ESR1: variants seen among roughly 807,000 people sequenced by gnomAD.
ESR1 encodes estrogen receptor.
In ESR1, 12 loss-of-function variants were observed where a neutral mutation model predicts 52.7. The ratio of observed to expected loss-of-function variants is 0.23; its 90% confidence interval spans 0.15 to 0.37. The LOEUF is 0.37. ESR1 is among the 10% of genes least tolerant of loss of function. The probability of loss-of-function intolerance (pLI) is 1.00; values close to 1 mark genes in which losing one functional copy is unlikely to be tolerated. For missense variants in ESR1, 584 were observed against 779.7 expected, an observed-to-expected ratio of 0.75 and a Z score of 2.99; for synonymous variants, 305 against 316.8, an observed-to-expected ratio of 0.96 and a Z score of 0.39.
At chr6:151,755,715 C>T (rs928045581) in intron 2 of ESR1, among the ~76,000 whole-genome samples, 1 of 152,034 alleles carries the variant, frequency 6.6e-6, no homozygotes, top group African/African-American at 2.4e-5. Flanking sequence ...ACTGCAACTT[C>T]CGCCTCCCAG....
intron 4 of ESR1, among the ~76,000 whole-genome samples, chr6:151,948,391 T>G (rs1404408587): frequency 6.6e-6 from 1 of 152,208 alleles, no homozygotes; most frequent in African/African-American, 2.4e-5. Flanking sequence ...CCCTGAGTTT[T>G]TTATTGCCTG....
rs775701225 is a variant in ESR1 at position 151,944,304 on chromosome 6, A to T, written c.892A>T (p.Ile298Phe). The change falls in exon 4 of 8, where the codon ATC (isoleucine) becomes TTC (phenylalanine). Residue 298 changes from isoleucine to phenylalanine, a missense_variant. Physicochemically the swap from Ile to Phe is conservative, Grantham distance 21 (BLOSUM62 0). Coordinates refer to ENST00000206249, the MANE Select transcript of ESR1 (RefSeq NM_000125.4). ...AANLWPSPLM[I>F]KRSKKNSLAL... ...CAACCTTTGGCCAAGCCCGCTCATGATCAAACGCTCTAAGAAGAACAGCCT... is the reference window on the plus strand; with the variant it reads ...CAACCTTTGGCCAAGCCCGCTCATGTTCAAACGCTCTAAGAAGAACAGCCT... 6.2e-7 allele frequency: 1 copy of T among 1,614,176 alleles called. No individual in the cohort carries two copies. The highest frequency in any genetic ancestry group is 1.7e-5 in the Admixed American group (1 of 60,018).
intron 2 of ESR1, among the ~76,000 whole-genome samples, chr6:151,748,155 G>T (rs983100600): frequency 3.3e-5 from 5 of 152,078 alleles, no homozygotes; most frequent in Non-Finnish European, 5.9e-5. Context: ...TGTCATAATG[G>T]GTATGAAGTG....
chr6:152,088,441 C>T (rs573789866), intron 6 of ESR1, among the ~76,000 whole-genome samples: 2 of 152,296 alleles, frequency 1.3e-5, no homozygotes, highest in East Asian at 3.9e-4. Context: ...TTGTCCCTTC[C>T]AAAACTCATG....
chr6:152,048,874 AT>A (rs1328235897), intron 5 of ESR1, among the ~76,000 whole-genome samples: 1 of 152,202 alleles, frequency 6.6e-6, no homozygotes, highest in African/African-American at 2.4e-5. Flanking sequence ...CTCTTCATTC[AT>A]TTGCCTTCAT....
intron 2 of ESR1, among the ~76,000 whole-genome samples, chr6:151,877,145 T>A (rs1478639419): frequency 1.3e-5 from 2 of 152,126 alleles, no homozygotes; most frequent in African/African-American, 4.8e-5. Context: ...AGTTTTAGGG[T>A]ACATGTGCAC....
chr6:151,710,620 C>T (rs1050470064), intron 2 of ESR1, among the ~76,000 whole-genome samples: 2 of 151,960 alleles, frequency 1.3e-5, no homozygotes, highest in African/African-American at 4.8e-5. Flanking sequence ...ATGTGCAGAA[C>T]GTGCAGGTTT....
At chr6:151,754,655 CTTTGCCCTCCTGGT>C (rs1784146433) in intron 2 of ESR1, among the ~76,000 whole-genome samples, 1 of 152,190 alleles carries the variant, frequency 6.6e-6, no homozygotes, top group Non-Finnish European at 1.5e-5. Flanking sequence ...TTCCAACATA[CTTTGCCCTCCTGGT>C]TTTTCTTTCT....
At chr6:152,095,121 T>C (rs2050504348) in intron 7 of ESR1, among the ~76,000 whole-genome samples, 1 of 152,224 alleles carries the variant, frequency 6.6e-6, no homozygotes, top group Non-Finnish European at 1.5e-5. Context: ...CTGCCTGTAA[T>C]CTAGATCCTT....
chr6:152,065,106 T>C (rs1019658871), intron 6 of ESR1, among the ~76,000 whole-genome samples: 4 of 152,186 alleles, frequency 2.6e-5, no homozygotes, highest in Non-Finnish European at 4.4e-5. Context: ...TGTTTTAGTT[T>C]AAAGGCCTTT....
intron 2 of ESR1, among the ~76,000 whole-genome samples, chr6:151,772,251 T>G (rs1018175213): frequency 2.0e-5 from 3 of 152,196 alleles, no homozygotes; most frequent in Non-Finnish European, 4.4e-5. Context: ...TCAGTTGTCC[T>G]GGGCACTGTG....
chr6:151,973,368 G>A (rs1214815082), intron 4 of ESR1, among the ~76,000 whole-genome samples: 1 of 152,018 alleles, frequency 6.6e-6, no homozygotes, highest in African/African-American at 2.4e-5. Context: ...ATTTGTTCCT[G>A]AATTGCACAC....
intron 3 of ESR1, among the ~76,000 whole-genome samples, chr6:151,884,451 A>C (rs1793493609): frequency 1.3e-5 from 2 of 152,366 alleles, no homozygotes; most frequent in Non-Finnish European, 2.9e-5. Context: ...TTTCTTAACC[A>C]GGCTGGTTAC....
At position 151,700,160 on chromosome 6, in the gene ESR1, T is replaced by G. The variant is rs554203774; in HGVS notation, c.-201-1715T>G. Among the ~76,000 whole-genome samples, 6 of 152,306 alleles carry G rather than the reference T, an allele frequency of 3.9e-5. No individual in the cohort carries two copies. In the East Asian group the frequency reaches 1.2e-3, roughly 29 times the overall value. On this transcript the variant is annotated intron_variant, in intron 1 of 2. Coordinates refer to the ESR1 transcript ENST00000404742. ...CAAATCTCTGTTATTATCTGTTACATGTCTAATTCTGAGTACTTCCAGAGA... is the reference window on the plus strand; with the variant it reads ...CAAATCTCTGTTATTATCTGTTACAGGTCTAATTCTGAGTACTTCCAGAGA...
intron 2 of ESR1, among the ~76,000 whole-genome samples, chr6:151,789,295 T>C (rs904494716): frequency 4.6e-5 from 7 of 152,224 alleles, no homozygotes; most frequent in African/African-American, 1.7e-4. Flanking sequence ...TCCTGAATAG[T>C]AGAACTTCTC....
intron 2 of ESR1, among the ~76,000 whole-genome samples, chr6:151,705,767 A>G (rs1006628134): frequency 6.6e-6 from 1 of 152,122 alleles, no homozygotes; most frequent in Non-Finnish European, 1.5e-5. Context: ...TGTTTATTGT[A>G]ATTCCTGCCT....
intron 4 of ESR1, among the ~76,000 whole-genome samples, chr6:151,998,043 G>T (rs1248141402): frequency 6.6e-6 from 1 of 152,010 alleles, no homozygotes. Flanking sequence ...TATTATCTCT[G>T]TTTTAAAATT....
chr6:151,691,753 G>A (rs1778964192), intron 1 of ESR1, among the ~76,000 whole-genome samples: 1 of 152,178 alleles, frequency 6.6e-6, no homozygotes, highest in Non-Finnish European at 1.5e-5. Flanking sequence ...ATTCTGAAAC[G>A]TACAGAGAAC....
At chr6:151,970,817 C>T (rs906944025) in intron 4 of ESR1, among the ~76,000 whole-genome samples, 1 of 152,160 alleles carries the variant, frequency 6.6e-6, no homozygotes, top group Non-Finnish European at 1.5e-5. Flanking sequence ...TGCCTTTCCC[C>T]ACCTCATTCT....
Sources: gnomAD v4.1 joint callset for allele counts (sites outside exome capture counted in the v4.1 genomes callset) on GRCh38, gnomAD v4.1.1 for gene constraint, MANE v1.5 for transcripts, NCBI Gene and HGNC (gene_info 2026-07-23, HGNC 2026-07-21) for gene names.